ERC2: variants seen among roughly 807,000 people sequenced by gnomAD.
The protein encoded by ERC2 is ELKS/RAB6-interacting/CAST family member 2.
ERC2 carries 42 observed loss-of-function variants against 114.8 expected under a neutral mutation model. The ratio of observed to expected loss-of-function variants is 0.37; its 90% CI spans 0.29 to 0.47. ERC2 has a LOEUF of 0.47. ERC2 is among the 20% of genes least tolerant of loss of function. ERC2 has a pLI of 0.99. For synonymous variants in ERC2, 454 were observed against 425.5 expected, an observed-to-expected ratio of 1.07 and a Z score of -0.82; for missense variants, 939 against 1,150.7, an observed-to-expected ratio of 0.82 and a Z score of 2.66.
chr3:55,619,607 A>G (rs1465791840), intron 17 of ERC2, among the ~76,000 whole-genome samples: 1 of 152,236 alleles, frequency 6.6e-6, no homozygotes, highest in Non-Finnish European at 1.5e-5. Flanking sequence ...GTTTTGTTTC[A>G]TACCCACTGA....
rs1274735469 is a variant in ERC2 at position 55,628,930 on chromosome 3, C to A, written c.*39+54864G>T. 4.2e-5 allele frequency among the ~76,000 whole-genome samples: 6 copies of A among 141,846 alleles called. No individual in the cohort carries two copies. In the East Asian group the frequency reaches 1.3e-3, roughly 30 times the overall value. The allele number at this position is 141,846 out of a possible 152,430, so 93.1% of individuals were successfully genotyped here. ...TGTAGAGAGTGTCCTGCTAGCCATG[C>A]CGAAATCTGGACACCAAGAACCTTT... On this transcript the variant is annotated intron_variant, in intron 17 of 17. Transcript: ENST00000288221.
At chr3:55,839,605 G>A (rs937000986) in intron 14 of ERC2, among the ~76,000 whole-genome samples, 6 of 151,590 alleles carry the variant, frequency 4.0e-5, no homozygotes, top group Admixed American at 3.9e-4. Flanking sequence ...TACATGAAAT[G>A]GTATAATATT....
chr3:56,406,994 A>G (rs1200865604), intron 2 of ERC2, among the ~76,000 whole-genome samples: 1 of 152,186 alleles, frequency 6.6e-6, no homozygotes, highest in Non-Finnish European at 1.5e-5. Context: ...AACTTAATAA[A>G]TGTAATTTCT....
intron 17 of ERC2, among the ~76,000 whole-genome samples, chr3:55,633,104 G>T (rs1198086385): frequency 6.6e-6 from 1 of 152,202 alleles, no homozygotes; most frequent in Non-Finnish European, 1.5e-5. Flanking sequence ...GCTTTTGTGA[G>T]CTCTAGGATA....
At chr3:55,838,253 C>T (rs1453199836) in intron 14 of ERC2, among the ~76,000 whole-genome samples, 1 of 151,986 alleles carries the variant, frequency 6.6e-6, no homozygotes, top group African/African-American at 2.4e-5. Flanking sequence ...CAGCAGAATA[C>T]ACATTCTTTT....
At chr3:55,745,342 G>A (rs901439356) in intron 14 of ERC2, among the ~76,000 whole-genome samples, 7 of 152,162 alleles carry the variant, frequency 4.6e-5, no homozygotes, top group Admixed American at 3.9e-4. Flanking sequence ...AATGTGTTCT[G>A]AAAGGCGACT....
chr3:56,414,832 T>C (rs1417063564), intron 2 of ERC2, among the ~76,000 whole-genome samples: 1 of 152,168 alleles, frequency 6.6e-6, no homozygotes, highest in Non-Finnish European at 1.5e-5. Context: ...CTCAGGACTC[T>C]GTGAGACCAA....
At chr3:55,899,644 C>A (rs188113565) in intron 13 of ERC2, among the ~76,000 whole-genome samples, 13 of 152,142 alleles carry the variant, frequency 8.5e-5, no homozygotes, top group African/African-American at 2.9e-4. Flanking sequence ...AGGAAAGATG[C>A]TCATGAAATC....
At chr3:55,676,084 C>T (rs924218846) in intron 17 of ERC2, among the ~76,000 whole-genome samples, 2 of 151,798 alleles carry the variant, frequency 1.3e-5, no homozygotes, top group Non-Finnish European at 2.9e-5. Context: ...CTACGCCCAA[C>T]TAATTTTTTT....
chr3:55,982,729 A>G (rs9819464), intron 12 of ERC2, among the ~76,000 whole-genome samples: 47,958 of 152,054 alleles, frequency 0.32, 8,577 homozygotes, highest in Middle Eastern at 0.4. Flanking sequence ...TTGTGGAGGG[A>G]ATGGGGCAAA....
chr3:55,704,957 T>G (rs864622), intron 15 of ERC2, among the ~76,000 whole-genome samples: 81,300 of 151,980 alleles, frequency 0.53, 22,860 homozygotes, highest in South Asian at 0.73. Flanking sequence ...GGCCCTCTTT[T>G]ACAGATGAGG....
rs140702427 is a variant in ERC2 at position 55,993,758 on chromosome 3, G to A, written c.2062-1508C>T. 2.7e-3 allele frequency among the ~76,000 whole-genome samples: 404 copies of A among 151,006 alleles called. 5 individuals carry two copies. The highest frequency in any genetic ancestry group is 9.3e-3 in the African/African-American group (382 of 41,292). On this transcript the variant is annotated intron_variant, in intron 10 of 17. Transcript: ENST00000288221. ...TATTCCCTTTTACCAACATTTTTCA[G>A]AAAACATTTATTTTCATTTATTTAC...
intron 12 of ERC2, among the ~76,000 whole-genome samples, chr3:55,955,996 G>T (rs2067927037): frequency 6.6e-6 from 1 of 152,226 alleles, no homozygotes; most frequent in Non-Finnish European, 1.5e-5. Context: ...GGGTGATTGT[G>T]AGGGGTTGAT....
intron 8 of ERC2, among the ~76,000 whole-genome samples, chr3:56,016,478 C>T (rs1424776752): frequency 1.3e-5 from 2 of 150,188 alleles, no homozygotes; most frequent in African/African-American, 4.9e-5. Context: ...TATGCTTACC[C>T]ATCTTTTTAG....
intron 7 of ERC2, among the ~76,000 whole-genome samples, chr3:56,061,029 T>G (rs2076223454): frequency 6.6e-6 from 1 of 152,232 alleles, no homozygotes; most frequent in Non-Finnish European, 1.5e-5. Flanking sequence ...TGCTCAATTC[T>G]TCCCAGCCAT....
chr3:55,787,712 G>T (rs1339585505), intron 14 of ERC2, among the ~76,000 whole-genome samples: 1 of 152,076 alleles, frequency 6.6e-6, no homozygotes, highest in African/African-American at 2.4e-5. Context: ...GATCCCTATT[G>T]ATCCATCAGA....
At chr3:55,801,653 A>G (rs1157518406) in intron 14 of ERC2, among the ~76,000 whole-genome samples, 4 of 152,264 alleles carry the variant, frequency 2.6e-5, no homozygotes, top group African/African-American at 9.6e-5. Flanking sequence ...TCTGGAAGAA[A>G]GAGGTTCTCG....
rs192501509 is a variant in ERC2 at position 55,709,281 on chromosome 3, G to A, written c.2713-9769C>T. Among the ~76,000 whole-genome samples, 3 of 152,158 alleles carry A rather than the reference G, an allele frequency of 2.0e-5. No homozygotes were observed. The East Asian group carries it at 5.8e-4, about 29-fold the overall frequency. ...GTCTTAAACAGGGCTATGAAGAGAG[G>A]GGTTCACATACCCTTGGAGGCAAGA... On this transcript the variant is annotated intron_variant, in intron 15 of 17. Transcript: ENST00000288221.
At chr3:56,293,080 G>T (rs140170220) in intron 3 of ERC2, among the ~76,000 whole-genome samples, 1 of 152,324 alleles carries the variant, frequency 6.6e-6, no homozygotes, top group Non-Finnish European at 1.5e-5. Context: ...ACGAAGGAAT[G>T]AATGGATGGA....
Sources: gnomAD v4.1 joint callset for allele counts (sites outside exome capture counted in the v4.1 genomes callset) on GRCh38, gnomAD v4.1.1 for gene constraint, MANE v1.5 for transcripts, NCBI Gene and HGNC (gene_info 2026-07-23, HGNC 2026-07-21) for gene names.